Variants in DCAF15 observed in about 807,000 individuals in gnomAD.
DCAF15 encodes DDB1 and CUL4 associated factor 15, also known as DDB1- and CUL4-associated factor 15.
In DCAF15, 24 loss-of-function variants were observed where a neutral mutation model predicts 68.0. The ratio of observed to expected loss-of-function variants is 0.35; its 90% CI spans 0.26 to 0.50. The LOEUF (loss-of-function observed/expected upper bound fraction) is 0.50. DCAF15 is among the 20% of genes least tolerant of loss of function. DCAF15 has a pLI of 0.98. For synonymous variants in DCAF15, 376 were observed against 341.6 expected, an observed-to-expected ratio of 1.10 and a Z score of -1.11; for missense variants, 627 against 830.6, an observed-to-expected ratio of 0.75 and a Z score of 3.01.
chr19:13,956,746 G>T (rs1357353859), intron 6 of DCAF15, among the ~76,000 whole-genome samples: 3 of 152,222 alleles, frequency 2.0e-5, no homozygotes, highest in African/African-American at 7.2e-5. Flanking sequence ...GCTGCCTCCA[G>T]CAGCCACTTG....
At position 13,954,326 on chromosome 19, in the gene DCAF15, C is replaced by T; in HGVS notation, c.133-14C>T. 1 of 1,611,282 alleles carries T rather than the reference C, an allele frequency of 6.2e-7. No homozygotes were observed. Reference sequence around the variant, plus strand: ...CAGATGGTGCCTGAAGTGCCCTGGCCACCCCTTCCCCAGATCAGCGGACAG... The same window carrying T: ...CAGATGGTGCCTGAAGTGCCCTGGCTACCCCTTCCCCAGATCAGCGGACAG... On this transcript the variant is annotated splice_polypyrimidine_tract_variant and intron_variant, in intron 1 of 12. Coordinates refer to ENST00000254337, the MANE Select transcript of DCAF15 (RefSeq NM_138353.4).
intron 3 of DCAF15, among the ~76,000 whole-genome samples, chr19:13,955,091 G>A (rs1381139356): frequency 6.6e-6 from 1 of 151,794 alleles, no homozygotes; most frequent in Non-Finnish European, 1.5e-5. Context: ...GGGCAACAGA[G>A]TGAGACCCTG....
At chr19:13,955,884 C>A in intron 3 of DCAF15, 28 bp from the exon 4 acceptor site, 2 of 1,610,982 alleles carry the variant, frequency 1.2e-6, no homozygotes, top group Middle Eastern at 3.3e-4. Flanking sequence ...TTCCCTGACC[C>A]GGTGCTGCCC....
chr19:13,960,782 C>A (rs1412918703), intron 12 of DCAF15, among the ~76,000 whole-genome samples, 158 bp from the exon 13 acceptor site: 3 of 152,154 alleles, frequency 2.0e-5, no homozygotes, highest in Non-Finnish European at 4.4e-5. Context: ...CTCATTCACG[C>A]TACATTTATT....
chr19:13,961,298 CG>C lies in DCAF15; in HGVS notation c.*305del. The stretch of plus-strand genomic sequence containing the variant: ...GCCCCTCGTGCATTTGCCCTTTTCT[CG>C]GCTACAGCTGTGGACGTTGCCCTCG... On this transcript the variant is annotated 3_prime_UTR_variant, in exon 13 of 13. Transcript: ENST00000254337. 1 of 495,662 alleles carries C rather than the reference CG, an allele frequency of 2.0e-6. No individual in the cohort carries two copies. Among genetic ancestry groups the C allele is most frequent in the Admixed American group, 3.3e-5 (1 of 30,656 alleles). 30.7% of individuals were successfully genotyped at this position (495,662 alleles called of 1,614,324 possible).
intron 7 of DCAF15, 40 bp downstream of exon 7, chr19:13,959,519 G>C (rs1233469460): frequency 6.2e-7 from 1 of 1,610,444 alleles, no homozygotes; most frequent in Non-Finnish European, 8.5e-7. Context: ...CTGGGATGGA[G>C]AGGCCAGCCC....
At chr19:13,959,713 G>T (rs1231796940) in intron 8 of DCAF15, 40 bp downstream of exon 8, 4 of 1,612,666 alleles carry the variant, frequency 2.5e-6, no homozygotes, top group Non-Finnish European at 3.4e-6. Flanking sequence ...CAGTCCCGGG[G>T]AGCTGCCGGG....
At chr19:13,956,062 G>A in intron 4 of DCAF15, 44 bp downstream of exon 4, 1 of 1,612,258 alleles carries the variant, frequency 6.2e-7, no homozygotes, top group Non-Finnish European at 8.5e-7. Flanking sequence ...TTGGGGCAGG[G>A]GGTGTGCAGT....
chr19:13,955,218 C>T (rs1973305656), intron 3 of DCAF15, among the ~76,000 whole-genome samples: 1 of 152,140 alleles, frequency 6.6e-6, no homozygotes. Flanking sequence ...GTCAGGAGTT[C>T]AAGACCAGCC....
rs369101609 is a variant in DCAF15 at position 13,960,965 on chromosome 19, C to T, written c.1773C>T (p.Asp591=). The change falls in exon 13 of 13, where the codon GAC becomes GAT. Residue 591 remains aspartate (D), a synonymous_variant. Coordinates refer to ENST00000254337, the MANE Select transcript of DCAF15 (RefSeq NM_138353.4). ...GGTGCTCCCTGAAGGTTCTGGCGGA[C>T]AGCGAGCGATATACGTGGATCGTGC... ...HKGCSLKVLA[D]SERYTWIVL is the part of the protein sequence containing the mutation. 38 of 1,613,868 alleles carry T rather than the reference C, an allele frequency of 2.4e-5. No individual in the cohort carries two copies. The highest frequency in any genetic ancestry group is 3.2e-5 in the Non-Finnish European group (38 of 1,180,022).
At position 13,959,460 on chromosome 19, in the gene DCAF15, G is replaced by T. The variant is rs1428621386; in HGVS notation, c.1200G>T (p.Glu400Asp). The T allele has an allele frequency of 9.9e-6, 16 of 1,609,790 alleles. No individual in the cohort carries two copies. Among genetic ancestry groups the T allele is most frequent in the Non-Finnish European group, 1.4e-5 (16 of 1,178,536 alleles). ...TGTACTATGTGCTGGAGTCCGGAGA[G>T]GGGACGGAGCCGGAGGATGGTGAGC... ...TKLYYVLESG[E>D]GTEPEDELED... Residue 400 changes from glutamate (E) to aspartate (D), a missense_variant, in exon 7 of 13, where the codon GAG becomes GAT. Physicochemically the swap from Glu to Asp is conservative, Grantham distance 45. Around this residue, in one of 3 missense-constraint regions of DCAF15, gnomAD observed 236 missense variants for 225.1 expected, o/e 1.05. Transcript: ENST00000254337.
intron 1 of DCAF15, chr19:13,952,923 G>T (rs1287508105): frequency 2.7e-5 from 23 of 848,920 alleles, no homozygotes; most frequent in Non-Finnish European, 4.0e-5. Context: ...GGAGGGAGGC[G>T]ACCCCAGAGG....
In DCAF15 at chr19:13,956,393, C is replaced by T; in HGVS notation, c.655C>T (p.His219Tyr). Residue 219 changes from histidine (H) to tyrosine (Y), a missense_variant, in exon 6 of 13, where the codon CAC becomes TAC. Transcript: ENST00000254337. ...GTGCCTACGGCATGGCTTCATGCTG[C>T]ACACCAAGTACCAGGTGGTCTACCC... Reference protein sequence around the residue: ...AQCLRHGFMLHTKYQVVYPFP... With the variant: ...AQCLRHGFMLYTKYQVVYPFP... 1 of 1,613,882 alleles carries T rather than the reference C, an allele frequency of 6.2e-7. No individual in the cohort carries two copies. The highest frequency in any genetic ancestry group is 8.5e-7 in the Non-Finnish European group (1 of 1,180,020).
chr19:13,958,309 C>T (rs539013058), intron 6 of DCAF15, among the ~76,000 whole-genome samples: 186 of 152,158 alleles, frequency 1.2e-3, no homozygotes, highest in African/African-American at 4.2e-3. Flanking sequence ...CCATTGTCAC[C>T]TTCTGTTCCC....
intron 1 of DCAF15, 87 bp from the exon 2 acceptor site, chr19:13,954,253 G>A: frequency 1.7e-6 from 2 of 1,188,472 alleles, no homozygotes; most frequent in Non-Finnish European, 1.2e-6. Context: ...TCTGGACCCG[G>A]TGAGAGCCGC....
chr19:13,953,426 G>A lies in DCAF15; in HGVS notation c.132+782G>A, dbSNP rs995254599. The A allele has an allele frequency of 2.1e-5, 7 of 328,392 alleles. No individual in the cohort carries two copies. The East Asian group carries it at 4.7e-4, about 22-fold the overall frequency. The allele number at this position is 328,392 out of a possible 1,614,324, so 20.3% of individuals were successfully genotyped here. A position where few individuals can be genotyped will look rare whatever the true frequency, so the allele number is the denominator to read the frequency against. On this transcript the variant is annotated intron_variant, in intron 1 of 12. Coordinates refer to ENST00000254337, the MANE Select transcript of DCAF15 (RefSeq NM_138353.4). ...TCCCCCTTTTGACTGGGAGCTCCCT[G>A]GGCTGGGACAGTCTCCGCCCTTAGC...
In DCAF15 at chr19:13,960,953, G is replaced by C; in HGVS notation, c.1761G>C (p.Lys587Asn). 1 of 1,614,002 alleles carries C rather than the reference G, an allele frequency of 6.2e-7. No individual in the cohort carries two copies. The highest frequency in any genetic ancestry group is 1.3e-5 in the African/African-American group (1 of 75,062). The stretch of plus-strand genomic sequence containing the variant: ...CTGTCCCTGTAGGGTGCTCCCTGAA[G>C]GTTCTGGCGGACAGCGAGCGATATA... ...NEALHKGCSL[K>N]VLADSERYTW... Residue 587 changes from lysine to asparagine, a missense_variant, in exon 13 of 13, where the codon AAG becomes AAC. Coordinates refer to ENST00000254337, the MANE Select transcript of DCAF15 (RefSeq NM_138353.4).
intron 1 of DCAF15, among the ~76,000 whole-genome samples, chr19:13,953,729 G>C (rs932458003): frequency 1.3e-5 from 2 of 152,182 alleles, no homozygotes; most frequent in African/African-American, 2.4e-5. Flanking sequence ...AGTCCCCGCA[G>C]ATCCTTCCGC....
At chr19:13,952,791 G>A in intron 1 of DCAF15, 147 bp downstream of exon 1, 1 of 1,250,966 alleles carries the variant, frequency 8.0e-7, no homozygotes, top group South Asian at 1.9e-5. Context: ...GGCGGGGCCC[G>A]GGGGAGATGG....
Sources: gnomAD v4.1 joint callset for allele counts (sites outside exome capture counted in the v4.1 genomes callset) on GRCh38, gnomAD v4.1.1 for gene constraint, gnomAD v4.1.1 regional missense constraint, MANE v1.5 for transcripts, NCBI Gene and HGNC (gene_info 2026-07-23, HGNC 2026-07-21) for gene names.